The following ABHD6 variants were observed in gnomAD, a reference collection of about 807,000 sequenced individuals.
ABHD6 encodes monoacylglycerol lipase ABHD6.
A neutral mutation model predicts 38.8 loss-of-function variants in ABHD6; 33 were observed. That is an observed-to-expected ratio of 0.85 (90% confidence interval 0.64 to 1.14). The LOEUF is 1.14. Ranked by LOEUF, ABHD6 falls within the 50% of genes most tolerant of loss-of-function variation. The probability of loss-of-function intolerance (pLI) is 0.00; values close to 1 mark genes in which losing one functional copy is unlikely to be tolerated. For synonymous variants in ABHD6, 147 were observed against 161.6 expected (o/e 0.91, Z 0.69); for missense variants, 380 against 422.6 (o/e 0.90, Z 0.88).
At position 58,293,736 on chromosome 3, in the gene ABHD6, A is replaced by G. The variant is rs759134887; in HGVS notation, c.985A>G (p.Asn329Asp). The stretch of plus-strand genomic sequence containing the variant: ...AATCGACTTTTTAGCTTCTGTGCAC[A>G]ACACAGACAACAACAAGAAGCTGGA... Reference protein sequence around the residue: ...LIIDFLASVHNTDNNKKLD With the variant: ...LIIDFLASVHDTDNNKKLD Residue 329 changes from asparagine (N) to aspartate (D), a missense_variant, in exon 10 of 10, where the codon AAC becomes GAC. Coordinates refer to ENST00000478253, the MANE Select transcript of ABHD6 (RefSeq NM_001320126.2). The surrounding 1 kb of genome is among the most constrained non-coding windows in gnomAD (Gnocchi z 4.4). 1 of 1,614,214 alleles carries G rather than the reference A, an allele frequency of 6.2e-7. No homozygotes were observed. The highest frequency in any genetic ancestry group is 1.7e-5 in the Admixed American group (1 of 60,028).
At chr3:58,280,089 G>A (rs1236884842) in intron 7 of ABHD6, among the ~76,000 whole-genome samples, 3 of 152,132 alleles carry the variant, frequency 2.0e-5, no homozygotes, top group Non-Finnish European at 4.4e-5. Context: ...TTCTCGAGTA[G>A]TATCTTTATG....
At chr3:58,242,901 G>T (rs4681671) in intron 1 of ABHD6, among the ~76,000 whole-genome samples, 81,392 of 151,696 alleles carry the variant, frequency 0.54, 23,565 homozygotes, top group African/African-American at 0.76. Context: ...GCCCCGGTGT[G>T]TAATGTTCCC....
At chr3:58,261,612 C>T (rs917068181) in intron 3 of ABHD6, among the ~76,000 whole-genome samples, 4 of 152,158 alleles carry the variant, frequency 2.6e-5, no homozygotes, top group African/African-American at 9.7e-5. Flanking sequence ...CCTCCCAAAG[C>T]TCTGGGATTA....
intron 3 of ABHD6, among the ~76,000 whole-genome samples, chr3:58,260,717 A>G (rs1211012531): frequency 6.6e-6 from 1 of 152,188 alleles, no homozygotes; most frequent in African/African-American, 2.4e-5. Context: ...CAGGATTGCT[A>G]CACAAACAGG....
chr3:58,264,949 T>C (rs934271198), intron 3 of ABHD6, among the ~76,000 whole-genome samples: 26 of 152,174 alleles, frequency 1.7e-4, no homozygotes, highest in African/African-American at 5.8e-4. Context: ...ACAACTATTA[T>C]TGACTATAGT....
chr3:58,261,709 G>A (rs529151607), intron 3 of ABHD6, among the ~76,000 whole-genome samples: 1 of 152,242 alleles, frequency 6.6e-6, no homozygotes, highest in South Asian at 2.1e-4. Context: ...AATAAGTGTT[G>A]GTGAGGATGT....
chr3:58,286,842 G>GTATATATATATA (rs1553721703), intron 9 of ABHD6, among the ~76,000 whole-genome samples: 2 of 36,402 alleles, frequency 5.5e-5, no homozygotes, highest in African/African-American at 2.2e-4. Flanking sequence ...GTGTGTGTGT[G>GTATATATATATA]TGTGTGTGTG....
At chr3:58,286,856 A>ATATATG (rs2097457626) in intron 9 of ABHD6, among the ~76,000 whole-genome samples, 4 of 121,454 alleles carry the variant, frequency 3.3e-5, no homozygotes, top group Admixed American at 9.4e-5. Flanking sequence ...GTGTGTGTAT[A>ATATATG]TATATATATA....
At chr3:58,248,381 A>G (rs574029792) in intron 1 of ABHD6, among the ~76,000 whole-genome samples, 11 of 152,348 alleles carry the variant, frequency 7.2e-5, no homozygotes, top group South Asian at 4.1e-4. Context: ...ATAATCAGGC[A>G]TAAACATAGA....
Position 58,293,860 on chromosome 3 carries a change from G to A in ABHD6, c.*95G>A, listed in dbSNP as rs543673473. ...CTCTCAGGGATCCTGCCCCAAATGC[G>A]GTCGGAGCGCCAGTGACCCTGAGGA... On this transcript the variant is annotated 3_prime_UTR_variant, in exon 10 of 10. Transcript: ENST00000478253. The surrounding 1 kb of genome is among the most constrained non-coding windows in gnomAD (Gnocchi z 4.4). 1.9e-5 allele frequency: 27 copies of A among 1,434,106 alleles called. No homozygotes were observed. The highest frequency in any genetic ancestry group is 6.2e-5 in the Admixed American group (3 of 48,582). 88.8% of individuals were successfully genotyped at this position (1,434,106 alleles called of 1,614,324 possible).
At chr3:58,275,773 C>G (rs1264895723) in intron 7 of ABHD6, among the ~76,000 whole-genome samples, 4 of 152,156 alleles carry the variant, frequency 2.6e-5, no homozygotes, top group Admixed American at 6.6e-5. Context: ...AGGTATTTCT[C>G]CTAATGCTAT....
chr3:58,245,072 G>C (rs371882343), intron 1 of ABHD6, among the ~76,000 whole-genome samples: 3 of 152,176 alleles, frequency 2.0e-5, no homozygotes, highest in African/African-American at 7.2e-5. Flanking sequence ...TCCTGCCAAA[G>C]CCTGCCAGTG....
intron 9 of ABHD6, among the ~76,000 whole-genome samples, chr3:58,290,682 G>A (rs1243331980): frequency 2.7e-5 from 4 of 149,436 alleles, no homozygotes; most frequent in Non-Finnish European, 4.5e-5. Flanking sequence ...GGGCAGAGAC[G>A]CTTCTCACCT....
chr3:58,260,987 C>A (rs2097436570), intron 3 of ABHD6, among the ~76,000 whole-genome samples: 1 of 152,178 alleles, frequency 6.6e-6, no homozygotes, highest in Admixed American at 6.5e-5. Context: ...GCTGCTCCTG[C>A]AGGAGGTACC....
rs186790069 is a variant in ABHD6 at position 58,280,677 on chromosome 3, G to T, written c.682-4408G>T. ...CATTTGGAGGAGAAGAGGCGCTCTG[G>T]TTTTTAGAATTTTCAGCTTTTCTGC... On this transcript the variant is annotated intron_variant, in intron 7 of 9. Transcript: ENST00000478253. Among the ~76,000 whole-genome samples, 45 of 152,290 alleles carry T rather than the reference G, an allele frequency of 3.0e-4. No homozygotes were observed. The East Asian group carries it at 6.9e-3, about 24-fold the overall frequency.
chr3:58,247,561 ATTTTTTGT>A (rs750303349), intron 1 of ABHD6, among the ~76,000 whole-genome samples: 4 of 151,886 alleles, frequency 2.6e-5, no homozygotes, highest in Non-Finnish European at 5.9e-5. Context: ...TATTGTAGTT[ATTTTTTGT>A]TTTTTTGTTT....
In ABHD6 at chr3:58,257,159, T is replaced by C. The variant is rs2107437667; in HGVS notation, c.119+454T>C. ...CTGGCCTCAAGTGATCTTCCCATCT[T>C]GCCTCTCTAAGTGCTGGGATTACAG... is the stretch of plus-strand genomic sequence containing the variant. On this transcript the variant is annotated intron_variant, in intron 3 of 9. Transcript: ENST00000478253. The surrounding 1 kb of genome is among the most constrained non-coding windows in gnomAD (Gnocchi z 4.8). 6.6e-6 allele frequency among the ~76,000 whole-genome samples: 1 copy of C among 151,992 alleles called. No homozygotes were observed. The highest frequency in any genetic ancestry group is 1.5e-5 in the Non-Finnish European group (1 of 67,950).
Position 58,251,374 on chromosome 3 carries a change from G to T in ABHD6, c.-26+1432G>T, listed in dbSNP as rs1344718468. On this transcript the variant is annotated intron_variant, in intron 2 of 9. Coordinates refer to ENST00000478253, the MANE Select transcript of ABHD6 (RefSeq NM_001320126.2). This position sits in a 1 kb window ranked among gnomAD's most constrained non-coding sequence, Gnocchi z 5.4. The stretch of plus-strand genomic sequence containing the variant: ...CAGTAAGTCAGGCGAAGCGAGGAGA[G>T]ATGTGTCTATGAGATTCTATGAAAG... Among the ~76,000 whole-genome samples, 1 of 151,982 alleles carries T rather than the reference G, an allele frequency of 6.6e-6. No homozygotes were observed. The highest frequency in any genetic ancestry group is 2.4e-5 in the African/African-American group (1 of 41,380).
intron 1 of ABHD6, among the ~76,000 whole-genome samples, chr3:58,239,051 G>C (rs1457578602): frequency 8.6e-5 from 13 of 152,002 alleles, no homozygotes; most frequent in Admixed American, 8.5e-4. Flanking sequence ...GGAATATGAG[G>C]CTTCCAGAGG....
Sources: gnomAD v4.1 joint callset for allele counts (sites outside exome capture counted in the v4.1 genomes callset) on GRCh38, gnomAD v4.1.1 for gene constraint, Gnocchi (gnomAD v3.1) non-coding constraint, MANE v1.5 for transcripts, NCBI Gene and HGNC (gene_info 2026-07-23, HGNC 2026-07-21) for gene names.